Variants in TMEM170B observed in about 807,000 individuals in gnomAD.
The protein encoded by TMEM170B is transmembrane protein 170B.
A neutral mutation model predicts 13.0 loss-of-function variants in TMEM170B; 6 were observed. The observed-to-expected ratio is 0.46, with a 90% confidence interval of 0.25 to 0.91. The LOEUF is 0.91. Among genes scored for constraint, TMEM170B ranks in the 40% least tolerant of loss-of-function variants. The pLI is 0.17. For missense variants in TMEM170B, 138 were observed against 165.2 expected, an observed-to-expected ratio of 0.84 and a Z score of 0.90; for synonymous variants, 61 against 64.9, an observed-to-expected ratio of 0.94 and a Z score of 0.29.
intron 1 of TMEM170B, among the ~76,000 whole-genome samples, chr6:11,544,900 A>G (rs1007625898): frequency 2.6e-5 from 4 of 152,116 alleles, no homozygotes; most frequent in African/African-American, 7.2e-5. Flanking sequence ...TCAATATTGT[A>G]TATACAGTTT....
In TMEM170B at chr6:11,576,866, A is replaced by G. The variant is rs1362140874; in HGVS notation, c.*1305A>G. ...AGTAGAAGAATCTGTGAGGGCATAT[A>G]GCAAAAGTGGAAATGTCCTTTATAT... On this transcript the variant is annotated 3_prime_UTR_variant, in exon 3 of 3. Coordinates refer to ENST00000379426, the MANE Select transcript of TMEM170B (RefSeq NM_001100829.3). The G allele has an allele frequency of 6.6e-6, 1 of 151,934 alleles. No homozygotes were observed. The highest frequency in any genetic ancestry group is 6.6e-5 in the Admixed American group (1 of 15,262). The allele number at this position is 151,934 out of a possible 1,614,324, so 9.4% of individuals were successfully genotyped here.
In TMEM170B at chr6:11,581,711, T is replaced by A. The variant is rs937676596; in HGVS notation, c.*6150T>A. ...CTGAATTAAGCAGAAATCACTTTTT[T>A]TAGAGCCTTGTTTAAAGGAACGTTA... On this transcript the variant is annotated 3_prime_UTR_variant, in exon 3 of 3. Transcript: ENST00000379426. The A allele has an allele frequency of 5.3e-5, 8 of 152,218 alleles. No individual in the cohort carries two copies. Among genetic ancestry groups the A allele is most frequent in the Admixed American group, 5.2e-4 (8 of 15,290 alleles). The allele number at this position is 152,218 out of a possible 1,614,324, so 9.4% of individuals were successfully genotyped here. A position where few individuals can be genotyped will look rare whatever the true frequency, so the allele number is the denominator to read the frequency against.
chr6:11,548,542 A>G (rs1759470728), intron 1 of TMEM170B, among the ~76,000 whole-genome samples: 1 of 152,224 alleles, frequency 6.6e-6, no homozygotes, highest in Non-Finnish European at 1.5e-5. Flanking sequence ...TAGAACTAGA[A>G]ATACCATTTG....
intron 1 of TMEM170B, among the ~76,000 whole-genome samples, chr6:11,562,078 A>G (rs1759673711): frequency 6.6e-6 from 1 of 152,102 alleles, no homozygotes; most frequent in East Asian, 1.9e-4. Flanking sequence ...CGGATTGTTG[A>G]CTTTTGTATT....
intron 1 of TMEM170B, among the ~76,000 whole-genome samples, chr6:11,548,686 A>G (rs948711770): frequency 4.6e-5 from 7 of 152,322 alleles, no homozygotes; most frequent in African/African-American, 1.2e-4. Context: ...ATGTCCATCA[A>G]TGATAGACTG....
intron 1 of TMEM170B, among the ~76,000 whole-genome samples, chr6:11,543,310 A>G (rs146420789): frequency 7.6e-4 from 116 of 152,282 alleles, no homozygotes; most frequent in African/African-American, 2.5e-3. Flanking sequence ...TAAACATTCT[A>G]TATTGCATTG....
At chr6:11,546,131 G>A (rs553940199) in intron 1 of TMEM170B, among the ~76,000 whole-genome samples, 1 of 151,074 alleles carries the variant, frequency 6.6e-6, no homozygotes, top group Admixed American at 6.6e-5. Context: ...GCCTGTCATT[G>A]CCCCTGAAGA....
rs150485605 is a variant in TMEM170B at position 11,563,041 on chromosome 6, G to A, written c.98-2625G>A. Among the ~76,000 whole-genome samples, 172 of 152,114 alleles carry A rather than the reference G, an allele frequency of 1.1e-3. 3 individuals are homozygous for A. The East Asian group carries it at 0.026, about 23-fold the overall frequency. ...AATTGGTAAAAACATAACTGATGAA[G>A]CATACTCGCTGTTGACTGGGGGCAG... On this transcript the variant is annotated intron_variant, in intron 1 of 2. Coordinates refer to ENST00000379426, the MANE Select transcript of TMEM170B (RefSeq NM_001100829.3).
chr6:11,540,809 A>G (rs1358930454), intron 1 of TMEM170B, among the ~76,000 whole-genome samples: 1 of 152,206 alleles, frequency 6.6e-6, no homozygotes, highest in African/African-American at 2.4e-5. Context: ...TTTCTTAAAT[A>G]ATAAGACTAG....
At chr6:11,554,676 T>C (rs17397134) in intron 1 of TMEM170B, among the ~76,000 whole-genome samples, 12,821 of 152,174 alleles carry the variant, frequency 0.084, 584 homozygotes, top group Middle Eastern at 0.13. Flanking sequence ...ATTATATAAT[T>C]AGCAAGCAAA....
At chr6:11,546,292 A>G (rs369500818) in intron 1 of TMEM170B, among the ~76,000 whole-genome samples, 1 of 152,108 alleles carries the variant, frequency 6.6e-6, no homozygotes, top group Non-Finnish European at 1.5e-5. Context: ...AATTAAGAAT[A>G]TAAAGTATTT....
chr6:11,571,984 A>C (rs1230036369), intron 2 of TMEM170B, among the ~76,000 whole-genome samples: 1 of 152,204 alleles, frequency 6.6e-6, no homozygotes, highest in Non-Finnish European at 1.5e-5. Context: ...GATAGATAAT[A>C]TCTCTTACCC....
chr6:11,542,499 C>T (rs539908168), intron 1 of TMEM170B, among the ~76,000 whole-genome samples: 19 of 151,448 alleles, frequency 1.3e-4, no homozygotes, highest in African/African-American at 3.7e-4. Context: ...AGGACTGAGG[C>T]GGGACTGAGG....
At chr6:11,546,731 G>A (rs1197630459) in intron 1 of TMEM170B, among the ~76,000 whole-genome samples, 2 of 152,182 alleles carry the variant, frequency 1.3e-5, no homozygotes, top group African/African-American at 2.4e-5. Context: ...AGGAGCAATA[G>A]GCTATACCAT....
At chr6:11,552,779 G>A (rs1759541921) in intron 1 of TMEM170B, among the ~76,000 whole-genome samples, 1 of 152,204 alleles carries the variant, frequency 6.6e-6, no homozygotes, top group African/African-American at 2.4e-5. Flanking sequence ...GTGTCAGAAG[G>A]TGAACTATGG....
At chr6:11,552,121 C>T (rs1759533045) in intron 1 of TMEM170B, among the ~76,000 whole-genome samples, 1 of 152,134 alleles carries the variant, frequency 6.6e-6, no homozygotes, top group African/African-American at 2.4e-5. Context: ...TGTAAACCAA[C>T]TCTTCAGGAG....
At chr6:11,572,584 G>T (rs7756513) in intron 2 of TMEM170B, among the ~76,000 whole-genome samples, 22,088 of 152,006 alleles carry the variant, frequency 0.15, 1,916 homozygotes, top group African/African-American at 0.24. Flanking sequence ...AGGTATAGAA[G>T]TTAAGTTAGA....
At chr6:11,559,064 A>G (rs1759626693) in intron 1 of TMEM170B, among the ~76,000 whole-genome samples, 2 of 152,188 alleles carry the variant, frequency 1.3e-5, no homozygotes, top group Non-Finnish European at 2.9e-5. Flanking sequence ...CTGCCATTGT[A>G]GCTTGAAAGT....
At chr6:11,548,852 T>C (rs917344597) in intron 1 of TMEM170B, among the ~76,000 whole-genome samples, 7 of 145,144 alleles carry the variant, frequency 4.8e-5, no homozygotes, top group Non-Finnish European at 1.0e-4. Context: ...GTGCTCTCAC[T>C]CATAGGTGGG....
Sources: allele counts gnomAD v4.1 joint callset (sites outside exome capture counted in the v4.1 genomes callset), GRCh38; gene constraint gnomAD v4.1.1; transcripts MANE v1.5; gene names NCBI Gene and HGNC (gene_info 2026-07-23, HGNC 2026-07-21).